LNX2: variants seen among roughly 807,000 people sequenced by gnomAD.
The protein encoded by LNX2 is ligand of Numb protein X 2.
Under a neutral mutation model 66.2 loss-of-function variants are expected in LNX2, and 35 were observed. The observed-to-expected ratio is 0.53, with a 90% CI of 0.40 to 0.70. LNX2 has a LOEUF of 0.70. Among genes scored for constraint, LNX2 ranks in the 30% least tolerant of loss-of-function variants. The probability of loss-of-function intolerance (pLI) is 0.00; values close to 1 mark genes in which losing one functional copy is unlikely to be tolerated. For missense variants in LNX2, 791 were observed against 850.8 expected (o/e 0.93, Z 0.87); for synonymous variants, 337 against 315.6 (o/e 1.07, Z -0.72).
At chr13:27,585,019 G>A (rs1464691930) in intron 1 of LNX2, among the ~76,000 whole-genome samples, 1 of 151,968 alleles carries the variant, frequency 6.6e-6, no homozygotes, top group Middle Eastern at 3.4e-3. Flanking sequence ...TTAGGAGGCT[G>A]AGACAGGAGA....
intron 4 of LNX2, among the ~76,000 whole-genome samples, chr13:27,566,931 A>G (rs1466083878): frequency 6.6e-6 from 1 of 152,140 alleles, no homozygotes; most frequent in Non-Finnish European, 1.5e-5. Flanking sequence ...GGGATTGTAG[A>G]ACTCTTACCA....
intron 1 of LNX2, among the ~76,000 whole-genome samples, chr13:27,583,240 GTGTGTGTGTGTGTGTGC>G (rs1955435756): frequency 8.8e-5 from 2 of 22,642 alleles, no homozygotes; most frequent in Non-Finnish European, 1.6e-4. Flanking sequence ...GTGTGTGTGT[GTGTGTGTGTGTGTGTGC>G]GCGCGTCCTC....
intron 4 of LNX2, among the ~76,000 whole-genome samples, chr13:27,566,641 T>C (rs1955209076): frequency 6.6e-6 from 1 of 152,106 alleles, no homozygotes; most frequent in African/African-American, 2.4e-5. Context: ...CAGAAGTATA[T>C]GATGGGGTAT....
At chr13:27,588,322 A>G (rs1015449702) in intron 1 of LNX2, among the ~76,000 whole-genome samples, 6 of 152,248 alleles carry the variant, frequency 3.9e-5, no homozygotes, top group African/African-American at 1.4e-4. Flanking sequence ...TCTATACCAC[A>G]GAGTTTTACT....
intron 4 of LNX2, among the ~76,000 whole-genome samples, chr13:27,564,795 A>G (rs1955184778): frequency 6.6e-6 from 1 of 152,172 alleles, no homozygotes; most frequent in African/African-American, 2.4e-5. Flanking sequence ...TGTTATATTT[A>G]TTTAGCTTAT....
intron 1 of LNX2, among the ~76,000 whole-genome samples, chr13:27,597,894 T>C (rs1360226071): frequency 2.0e-5 from 3 of 152,206 alleles, no homozygotes; most frequent in Admixed American, 2.0e-4. Context: ...AATATCCCTA[T>C]ATTCCTTACA....
At chr13:27,574,421 C>T (rs1443201251) in intron 2 of LNX2, among the ~76,000 whole-genome samples, 1 of 138,898 alleles carries the variant, frequency 7.2e-6, no homozygotes, top group Non-Finnish European at 1.5e-5. Flanking sequence ...TCCAAAAAAA[C>T]AAAACAGAAA....
intron 1 of LNX2, among the ~76,000 whole-genome samples, chr13:27,605,399 C>A (rs902744499): frequency 6.6e-6 from 1 of 152,084 alleles, no homozygotes; most frequent in South Asian, 2.1e-4. Flanking sequence ...ATTATGAGTC[C>A]AAGAATATGA....
chr13:27,554,253 C>T (rs1024444490), intron 7 of LNX2, among the ~76,000 whole-genome samples: 3 of 152,190 alleles, frequency 2.0e-5, no homozygotes, highest in African/African-American at 7.2e-5. Flanking sequence ...ATAACCTTTA[C>T]TTAATAGCAG....
intron 9 of LNX2, among the ~76,000 whole-genome samples, chr13:27,548,968 T>C (rs544498065): frequency 6.6e-6 from 1 of 152,354 alleles, no homozygotes; most frequent in Admixed American, 6.5e-5. Flanking sequence ...TCCAGCCTTA[T>C]AATTACCATA....
At chr13:27,569,491 G>A (rs1417081163) in intron 2 of LNX2, among the ~76,000 whole-genome samples, 1 of 152,144 alleles carries the variant, frequency 6.6e-6, no homozygotes, top group African/African-American at 2.4e-5. Flanking sequence ...ATGAACAATG[G>A]TTTGGTATGT....
Position 27,618,237 on chromosome 13 carries a change from T to C in LNX2, c.-101+2138A>G, listed in dbSNP as rs933402343. 6.6e-5 allele frequency among the ~76,000 whole-genome samples: 10 copies of C among 152,202 alleles called. 1 individual carries two copies. Among genetic ancestry groups the C allele is most frequent in the Admixed American group, 5.2e-4 (8 of 15,284 alleles). ...GTCATACCTCTTAAACACCACGTCA[T>C]TTCTCCTTCCACTGCCAGCACACTA... is the stretch of plus-strand genomic sequence containing the variant. On this transcript the variant is annotated intron_variant, in intron 1 of 9. Coordinates refer to ENST00000316334, the MANE Select transcript of LNX2 (RefSeq NM_153371.4).
In LNX2 at chr13:27,581,742, C is replaced by T. The variant is rs770093519; in HGVS notation, c.-39G>A. 1.3e-6 allele frequency: 2 copies of T among 1,525,120 alleles called. No homozygotes were observed. Among genetic ancestry groups the T allele is most frequent in the Admixed American group, 2.1e-5 (1 of 47,916 alleles). The allele number at this position is 1,525,120 out of a possible 1,614,324, so 94.5% of individuals were successfully genotyped here. A position where few individuals can be genotyped will look rare whatever the true frequency, so the allele number is the denominator to read the frequency against. The stretch of plus-strand genomic sequence containing the variant: ...TGTATCCTCATGTGTTAGACTTCCA[C>T]TTCACGCTTGGTTTCCTTTAACAGA... On this transcript the variant is annotated 5_prime_UTR_variant, in exon 2 of 10. It adds an upstream start codon to the 5' untranslated region. Coordinates refer to ENST00000316334, the MANE Select transcript of LNX2 (RefSeq NM_153371.4).
In LNX2 at chr13:27,550,320, G is replaced by C. The variant is rs1593236068; in HGVS notation, c.1937+13C>G. On this transcript the variant is annotated intron_variant, in intron 9 of 9. Transcript: ENST00000316334. ...TCAACATGAATCACATCATTAATTA[G>C]AACAAGACTCACTTTAATCTTCCAT... 6.2e-7 allele frequency: 1 copy of C among 1,609,936 alleles called. No individual in the cohort carries two copies. The highest frequency in any genetic ancestry group is 8.5e-7 in the Non-Finnish European group (1 of 1,177,316).
chr13:27,548,548 T>A (rs1954970593), intron 9 of LNX2, 78 bp from the exon 10 acceptor site: 2 of 1,477,010 alleles, frequency 1.4e-6, no homozygotes, highest in Non-Finnish European at 1.8e-6. Context: ...TTATGTAGCA[T>A]GAAAAATGCG....
intron 4 of LNX2, 73 bp from the exon 5 acceptor site, chr13:27,562,854 AT>A: frequency 4.8e-6 from 7 of 1,462,774 alleles, no homozygotes; most frequent in Non-Finnish European, 5.6e-6. Flanking sequence ...TTTATGTGAC[AT>A]TTCCACAGGA....
intron 1 of LNX2, among the ~76,000 whole-genome samples, chr13:27,605,612 C>T (rs1955705866): frequency 6.6e-6 from 1 of 152,178 alleles, no homozygotes. Flanking sequence ...TCATAGGTAA[C>T]CATATTATCT....
intron 2 of LNX2, among the ~76,000 whole-genome samples, chr13:27,577,833 A>T (rs1402253850): frequency 6.6e-6 from 1 of 152,222 alleles, no homozygotes; most frequent in Admixed American, 6.5e-5. Context: ...TAAATGTTAA[A>T]TCGTTAAGGG....
intron 1 of LNX2, among the ~76,000 whole-genome samples, chr13:27,618,077 A>C (rs1593269866): frequency 6.6e-6 from 1 of 152,204 alleles, no homozygotes; most frequent in African/African-American, 2.4e-5. Flanking sequence ...TAAGTAATAG[A>C]ATTAGAATTT....
Sources: gnomAD v4.1 joint callset for allele counts (sites outside exome capture counted in the v4.1 genomes callset) on GRCh38, gnomAD v4.1.1 for gene constraint, MANE v1.5 for transcripts, NCBI Gene and HGNC (gene_info 2026-07-23, HGNC 2026-07-21) for gene names.